POU2F1: variants seen among roughly 807,000 people sequenced by gnomAD.
The protein encoded by POU2F1 is POU class 2 homeobox 1, also known as POU domain, class 2, transcription factor 1.
Under a neutral mutation model 84.9 loss-of-function variants are expected in POU2F1, and 16 were observed. The ratio of observed to expected loss-of-function variants is 0.19; its 90% CI spans 0.13 to 0.29. The LOEUF (loss-of-function observed/expected upper bound fraction) is 0.29, where lower values mean the gene tolerates loss of function less well. POU2F1 is among the 10% of genes least tolerant of loss of function. POU2F1 has a pLI of 1.00. For missense variants in POU2F1, 738 were observed against 942.6 expected (o/e 0.78, Z 2.84); for synonymous variants, 368 against 368.3 (o/e 1.00, Z 0.01).
intron 1 of POU2F1, among the ~76,000 whole-genome samples, chr1:167,237,744 GTGTATATATA>G (rs1163324470): frequency 8.6e-4 from 16 of 18,504 alleles, no homozygotes; most frequent in East Asian, 1.7e-3. Context: ...ATATGTGTGT[GTGTATATATA>G]TATATATATA....
intron 1 of POU2F1, among the ~76,000 whole-genome samples, chr1:167,304,622 T>TTTAACTCATTA (rs1282791524): frequency 5.3e-5 from 8 of 152,216 alleles, no homozygotes; most frequent in Non-Finnish European, 1.5e-5. Flanking sequence ...AACCATATAT[T>TTTAACTCATTA]CCTCCGTAAT....
At chr1:167,230,581 C>G (rs914555307) in intron 1 of POU2F1, among the ~76,000 whole-genome samples, 1 of 152,056 alleles carries the variant, frequency 6.6e-6, no homozygotes, top group Non-Finnish European at 1.5e-5. Context: ...AACTTTTGTC[C>G]TTATTTATCT....
At chr1:167,243,812 G>A (rs1650099749) in intron 1 of POU2F1, among the ~76,000 whole-genome samples, 1 of 152,160 alleles carries the variant, frequency 6.6e-6, no homozygotes, top group Non-Finnish European at 1.5e-5. Flanking sequence ...AGGATTGACA[G>A]CCTTCATTAT....
At chr1:167,285,181 T>C (rs1443763243) in intron 1 of POU2F1, among the ~76,000 whole-genome samples, 1 of 152,204 alleles carries the variant, frequency 6.6e-6, no homozygotes, top group Admixed American at 6.5e-5. Flanking sequence ...TAATGACTGC[T>C]TTATAGAGTT....
intron 1 of POU2F1, among the ~76,000 whole-genome samples, chr1:167,280,276 C>T (rs1465707792): frequency 1.2e-4 from 18 of 149,514 alleles, no homozygotes; most frequent in Admixed American, 1.2e-3. Context: ...TAAAAGTGGA[C>T]ATGATATGTA....
intron 1 of POU2F1, among the ~76,000 whole-genome samples, chr1:167,285,730 A>G (rs1257800855): frequency 6.6e-6 from 1 of 152,194 alleles, no homozygotes; most frequent in African/African-American, 2.4e-5. Context: ...GCTAGTGCTC[A>G]TTTATCAGTT....
chr1:167,390,218 A>C (rs575023103), intron 9 of POU2F1, among the ~76,000 whole-genome samples: 1 of 152,276 alleles, frequency 6.6e-6, no homozygotes, highest in South Asian at 2.1e-4. Context: ...TTTTGGTTTT[A>C]AACTGCACCT....
At chr1:167,241,143 AAAATAAATAAAT>A (rs916521381) in intron 1 of POU2F1, among the ~76,000 whole-genome samples, 1 of 152,076 alleles carries the variant, frequency 6.6e-6, no homozygotes, top group Non-Finnish European at 1.5e-5. Flanking sequence ...ACGCCATCTA[AAAATAAATAAAT>A]AAATAAATAA....
intron 1 of POU2F1, among the ~76,000 whole-genome samples, chr1:167,270,039 A>G (rs528062957): frequency 1.3e-5 from 2 of 151,934 alleles, no homozygotes; most frequent in East Asian, 3.9e-4. Context: ...ACTCTCCCTG[A>G]GTTTGTGGGT....
chr1:167,355,568 TC>T (rs1658881395), intron 2 of POU2F1, among the ~76,000 whole-genome samples: 1 of 152,254 alleles, frequency 6.6e-6, no homozygotes, highest in South Asian at 2.1e-4. Context: ...ATTGAGATTT[TC>T]ATATGAATTT....
chr1:167,236,284 G>A (rs1649448491), intron 1 of POU2F1, among the ~76,000 whole-genome samples: 1 of 151,890 alleles, frequency 6.6e-6, no homozygotes, highest in South Asian at 2.1e-4. Flanking sequence ...TGTATTTTTA[G>A]TAGAGATGGA....
chr1:167,361,417 G>A (rs777644787), intron 2 of POU2F1, among the ~76,000 whole-genome samples: 9 of 151,946 alleles, frequency 5.9e-5, no homozygotes, highest in Non-Finnish European at 1.3e-4. Flanking sequence ...CTTTTTTCTG[G>A]TTCTATTGTG....
intron 2 of POU2F1, among the ~76,000 whole-genome samples, chr1:167,348,181 A>G (rs1383431219): frequency 2.0e-5 from 3 of 152,212 alleles, no homozygotes; most frequent in African/African-American, 7.2e-5. Flanking sequence ...TGTTTCTCCT[A>G]GGCTACAAAT....
chr1:167,222,395 A>G (rs1234215722), intron 1 of POU2F1, among the ~76,000 whole-genome samples: 3 of 152,102 alleles, frequency 2.0e-5, no homozygotes, highest in African/African-American at 7.2e-5. Context: ...CATGTTTAGT[A>G]ATTCAGACCT....
intron 1 of POU2F1, among the ~76,000 whole-genome samples, chr1:167,244,341 A>G (rs1287939967): frequency 6.6e-6 from 1 of 152,168 alleles, no homozygotes; most frequent in African/African-American, 2.4e-5. Context: ...TCACTCACAC[A>G]GTTGTTGACT....
intron 15 of POU2F1, 126 bp from the exon 16 acceptor site, chr1:167,415,374 G>A (rs1475867798): frequency 3.8e-6 from 4 of 1,043,700 alleles, no homozygotes; most frequent in African/African-American, 1.6e-5. Flanking sequence ...AAAAAATTCA[G>A]TGAAGGGCTA....
At chr1:167,368,820 C>G (rs964970444) in intron 3 of POU2F1, among the ~76,000 whole-genome samples, 3 of 152,194 alleles carry the variant, frequency 2.0e-5, no homozygotes, top group Non-Finnish European at 2.9e-5. Flanking sequence ...CTTCACTGAG[C>G]TCCATACCAA....
Position 167,365,552 on chromosome 1 carries a change from T to G in POU2F1, c.213T>G (p.Leu71=). Residue 71 remains leucine (L), a synonymous_variant, in exon 3 of 16, where the codon CTT becomes CTG. Coordinates refer to ENST00000367866, the MANE Select transcript of POU2F1 (RefSeq NM_002697.4). The part of the protein sequence containing the change: ...AISTAQAQAF[L]GHLHQVQLAG... ...CAACAGCCCAGGCGCAGGCTTTCCT[T>G]GGACATCTCCATCAGGTAGGAATGT... 1 of 1,597,504 alleles carries G rather than the reference T, an allele frequency of 6.3e-7. No homozygotes were observed. The highest frequency in any genetic ancestry group is 8.5e-7 in the Non-Finnish European group (1 of 1,172,442).
At chr1:167,324,618 G>A (rs944168427) in intron 1 of POU2F1, among the ~76,000 whole-genome samples, 1 of 152,042 alleles carries the variant, frequency 6.6e-6, no homozygotes, top group African/African-American at 2.4e-5. Context: ...TATTTTACTT[G>A]TCTTCCTCTC....
Sources: gnomAD v4.1 joint callset for allele counts (sites outside exome capture counted in the v4.1 genomes callset) on GRCh38, gnomAD v4.1.1 for gene constraint, MANE v1.5 for transcripts, NCBI Gene and HGNC (gene_info 2026-07-23, HGNC 2026-07-21) for gene names.